Variants in KCNH8 observed in about 807,000 individuals in gnomAD.
KCNH8 encodes potassium voltage-gated channel subfamily H member 8.
KCNH8 carries 70 observed loss-of-function variants against 103.6 expected under a neutral mutation model. The observed-to-expected ratio is 0.68, with a 90% CI of 0.56 to 0.82. The LOEUF is 0.82. Among genes scored for constraint, KCNH8 ranks in the 40% least tolerant of loss-of-function variants. KCNH8 has a pLI of 0.00. For synonymous variants in KCNH8, 498 were observed against 489.4 expected, an observed-to-expected ratio of 1.02 and a Z score of -0.23; for missense variants, 1,217 against 1,329.9, an observed-to-expected ratio of 0.92 and a Z score of 1.32.
rs563497609 is a variant in KCNH8 at position 19,187,987 on chromosome 3, T to C, written c.76+39192T>C. On this transcript the variant is annotated intron_variant, in intron 1 of 15. Transcript: ENST00000328405. ...CACGTACCAGCGTCACCAGATATAT[T>C]CTTAGGGTCCATGAGCACTCTAAGG... 3.3e-5 allele frequency among the ~76,000 whole-genome samples: 5 copies of C among 152,208 alleles called. No individual in the cohort carries two copies. In the South Asian group the frequency reaches 1.0e-3, roughly 32 times the overall value.
chr3:19,281,174 A>AT (rs764763374), intron 2 of KCNH8, 24 bp from the exon 3 acceptor site: 1,511 of 1,552,140 alleles, frequency 9.7e-4, no homozygotes, highest in Admixed American at 1.5e-3. Context: ...GTTGATTTGT[A>AT]TTTTTTTTTC....
intron 11 of KCNH8, among the ~76,000 whole-genome samples, chr3:19,483,566 T>C (rs1015557800): frequency 1.3e-5 from 2 of 152,190 alleles, no homozygotes; most frequent in Non-Finnish European, 2.9e-5. Flanking sequence ...TTTCTCCACA[T>C]ACATAACATG....
intron 1 of KCNH8, among the ~76,000 whole-genome samples, chr3:19,155,714 AG>A (rs1235363512): frequency 1.3e-5 from 2 of 152,196 alleles, no homozygotes; most frequent in African/African-American, 4.8e-5. Flanking sequence ...TTTTTGTTCA[AG>A]ATCCATCCTA....
intron 3 of KCNH8, among the ~76,000 whole-genome samples, chr3:19,294,046 G>A (rs746241562): frequency 1.7e-3 from 261 of 152,156 alleles, no homozygotes; most frequent in Non-Finnish European, 3.2e-3. Context: ...ATTCAAAGAC[G>A]ATTTTTCATG....
At chr3:19,202,000 TG>T (rs1232736486) in intron 1 of KCNH8, among the ~76,000 whole-genome samples, 4 of 152,288 alleles carry the variant, frequency 2.6e-5, no homozygotes, top group African/African-American at 9.6e-5. Context: ...GTCAATTGAT[TG>T]AGTTTGGCAG....
intron 12 of KCNH8, among the ~76,000 whole-genome samples, chr3:19,511,753 C>T (rs547661981): frequency 5.5e-4 from 83 of 152,020 alleles, no homozygotes; most frequent in Non-Finnish European, 1.0e-3. Context: ...CTAAGAATGC[C>T]ATTTCTTCAA....
At chr3:19,241,624 A>G (rs1018257807) in intron 1 of KCNH8, among the ~76,000 whole-genome samples, 1 of 152,152 alleles carries the variant, frequency 6.6e-6, no homozygotes, top group Non-Finnish European at 1.5e-5. Flanking sequence ...CCATGGTGTC[A>G]TATCAACATA....
intron 11 of KCNH8, among the ~76,000 whole-genome samples, chr3:19,487,247 A>C (rs1159242216): frequency 6.6e-6 from 1 of 152,196 alleles, no homozygotes; most frequent in Admixed American, 6.5e-5. Flanking sequence ...TCTGATGCTA[A>C]AGAAGGCATC....
chr3:19,328,266 A>G (rs1348474330), intron 3 of KCNH8, among the ~76,000 whole-genome samples: 3 of 152,180 alleles, frequency 2.0e-5, no homozygotes, highest in Non-Finnish European at 4.4e-5. Context: ...TCCTTTTGCC[A>G]AATAAACTAT....
chr3:19,307,350 A>G (rs2065143971), intron 3 of KCNH8, among the ~76,000 whole-genome samples: 1 of 152,092 alleles, frequency 6.6e-6, no homozygotes, highest in South Asian at 2.1e-4. Flanking sequence ...AATCAAAACC[A>G]CAATGAGATA....
chr3:19,368,958 T>A (rs958937468), intron 5 of KCNH8, among the ~76,000 whole-genome samples: 1 of 152,032 alleles, frequency 6.6e-6, no homozygotes. Context: ...AAGACTCCCT[T>A]CTGGTTTTTC....
chr3:19,433,889 G>A (rs963530607), intron 7 of KCNH8, among the ~76,000 whole-genome samples: 1 of 152,108 alleles, frequency 6.6e-6, no homozygotes, highest in Admixed American at 6.6e-5. Flanking sequence ...ATGGAAAAGG[G>A]GTGAAGGGTT....
At chr3:19,356,715 G>T (rs925426182) in intron 5 of KCNH8, among the ~76,000 whole-genome samples, 2 of 151,902 alleles carry the variant, frequency 1.3e-5, no homozygotes, top group African/African-American at 4.8e-5. Flanking sequence ...TTAGTGATTT[G>T]CCCAAGGCCC....
intron 3 of KCNH8, among the ~76,000 whole-genome samples, chr3:19,324,786 T>C (rs1410791722): frequency 6.6e-6 from 1 of 152,118 alleles, no homozygotes; most frequent in Non-Finnish European, 1.5e-5. Flanking sequence ...TTCAGTGCTA[T>C]TCCCATTAAA....
intron 11 of KCNH8, among the ~76,000 whole-genome samples, chr3:19,481,543 T>C (rs1038199410): frequency 2.0e-5 from 3 of 152,186 alleles, no homozygotes; most frequent in Non-Finnish European, 4.4e-5. Context: ...AGTCCTCTTC[T>C]AGATGTTAGA....
At chr3:19,294,529 C>A (rs533552075) in intron 3 of KCNH8, among the ~76,000 whole-genome samples, 2 of 152,162 alleles carry the variant, frequency 1.3e-5, no homozygotes, top group Admixed American at 6.5e-5. Flanking sequence ...TATACCAACT[C>A]TTTGTCAGAT....
intron 10 of KCNH8, among the ~76,000 whole-genome samples, chr3:19,456,527 A>T (rs1272206509): frequency 6.6e-6 from 1 of 152,032 alleles, no homozygotes; most frequent in Non-Finnish European, 1.5e-5. Flanking sequence ...TGTTGTTGTT[A>T]GTTAAAATTT....
chr3:19,430,234 C>T (rs2067099261), intron 7 of KCNH8, among the ~76,000 whole-genome samples: 1 of 152,132 alleles, frequency 6.6e-6, no homozygotes, highest in South Asian at 2.1e-4. Context: ...ATCCTTTCCC[C>T]ATTGCTTGTT....
chr3:19,176,430 A>G (rs2063400353), intron 1 of KCNH8, among the ~76,000 whole-genome samples: 1 of 152,124 alleles, frequency 6.6e-6, no homozygotes. Flanking sequence ...ACCGAGACAG[A>G]AAGTGTTGGA....
Sources: allele counts gnomAD v4.1 joint callset (sites outside exome capture counted in the v4.1 genomes callset), GRCh38; gene constraint gnomAD v4.1.1; transcripts MANE v1.5; gene names NCBI Gene and HGNC (gene_info 2026-07-23, HGNC 2026-07-21).